The following COL5A1 variants were observed in gnomAD, a reference collection of about 807,000 sequenced individuals.
COL5A1 encodes collagen alpha-1(V) chain.
COL5A1 carries 16 observed loss-of-function variants against 263.7 expected under a neutral mutation model. The observed-to-expected ratio is 0.06, with a 90% CI of 0.04 to 0.09. The LOEUF is 0.09. Ranked by LOEUF, COL5A1 falls within the 10% of genes least tolerant of loss-of-function variation. The pLI is 1.00. For missense variants in COL5A1, 2,036 were observed against 2,540.5 expected (o/e 0.80, Z 4.27); for synonymous variants, 1,012 against 1,004.5 (o/e 1.01, Z -0.14).
chr9:134,825,455 A>G (rs2132886570), intron 62 of COL5A1, among the ~76,000 whole-genome samples: 1 of 152,216 alleles, frequency 6.6e-6, no homozygotes, highest in South Asian at 2.1e-4. Flanking sequence ...CTCTGATCCT[A>G]CATGCATGAA....
rs1564438514 is a variant in COL5A1, at chr9:134,759,695, TATGC to T, written c.1935+1401_1935+1404del. 8.1e-3 allele frequency among the ~76,000 whole-genome samples: 158 copies of T among 19,612 alleles called. 1 individual carries two copies. Among genetic ancestry groups the T allele is most frequent in the African/African-American group, 0.022 (78 of 3,474 alleles). 12.9% of individuals were successfully genotyped at this position (19,612 alleles called of 152,430 possible). On this transcript the variant is annotated intron_variant, in intron 18 of 65. Coordinates refer to ENST00000371817, the MANE Select transcript of COL5A1 (RefSeq NM_000093.5). The stretch of plus-strand genomic sequence containing the variant: ...CCCCACACCCCCACACTCATACACA[TATGC>T]ACACATGCACACACCCCCCCACCCC...
rs912691557 is a variant in COL5A1 at position 134,789,426 on chromosome 9, CAGGA to C, written c.2700+225_2700+228del. 2.6e-5 allele frequency among the ~76,000 whole-genome samples: 4 copies of C among 152,172 alleles called. No individual in the cohort carries two copies. The highest frequency in any genetic ancestry group is 9.7e-5 in the African/African-American group (4 of 41,438). ...GGTATGTGATAGGAAGGGGCAGAGG[CAGGA>C]AGGAAGTGTGCTGAGAAAATGGAGC... On this transcript the variant is annotated intron_variant, in intron 32 of 65. Transcript: ENST00000371817. This position sits in a 1 kb window ranked among gnomAD's most constrained non-coding sequence, Gnocchi z 4.8.
At chr9:134,779,836 G>A (rs953059395) in intron 27 of COL5A1, among the ~76,000 whole-genome samples, 6 of 152,232 alleles carry the variant, frequency 3.9e-5, no homozygotes, top group East Asian at 1.9e-4. Context: ...TTGGAAGGGC[G>A]GGTCCAGAGC....
At position 134,810,236 on chromosome 9, in the gene COL5A1, C is replaced by T; in HGVS notation, c.3475-19C>T. The stretch of plus-strand genomic sequence containing the variant: ...CGGTTGTCAAGCTTTCTAACCGAAT[C>T]CCCCACACCTTCCCCTAGGGAGAGA... On this transcript the variant is annotated intron_variant, in intron 43 of 65. Coordinates refer to ENST00000371817, the MANE Select transcript of COL5A1 (RefSeq NM_000093.5). 1.9e-6 allele frequency: 3 copies of T among 1,613,846 alleles called. No individual in the cohort carries two copies. Among genetic ancestry groups the T allele is most frequent in the Non-Finnish European group, 1.7e-6 (2 of 1,179,706 alleles).
At chr9:134,756,563 T>C (rs1301211395) in intron 16 of COL5A1, among the ~76,000 whole-genome samples, 2 of 152,146 alleles carry the variant, frequency 1.3e-5, no homozygotes, top group Non-Finnish European at 2.9e-5. Context: ...GTGTGTTCCA[T>C]CCGTTGGTGT....
intron 39 of COL5A1, among the ~76,000 whole-genome samples, chr9:134,804,617 G>A (rs1054098697): frequency 1.3e-5 from 2 of 152,236 alleles, no homozygotes; most frequent in African/African-American, 2.4e-5. Context: ...AGATTTGCAC[G>A]CAGAGCCCGC....
chr9:134,744,851 GCA>G lies in COL5A1; in HGVS notation c.1495-5684_1495-5683del, dbSNP rs1301768459. ...TGCATGCACACTCATCCATACACAT[GCA>G]CACACATTTACACACATGCACTCAC... On this transcript the variant is annotated intron_variant, in intron 11 of 65. Coordinates refer to ENST00000371817, the MANE Select transcript of COL5A1 (RefSeq NM_000093.5). Among the ~76,000 whole-genome samples, 5 of 146,352 alleles carry G rather than the reference GCA, an allele frequency of 3.4e-5. No individual in the cohort carries two copies. The South Asian group carries it at 8.9e-4, about 26-fold the overall frequency.
At position 134,802,292 on chromosome 9, in the gene COL5A1, C is replaced by T. The variant is rs187698321; in HGVS notation, c.3006+285C>T. On this transcript the variant is annotated intron_variant, in intron 38 of 65. Transcript: ENST00000371817. Reference sequence around the variant, plus strand: ...CCTGGGCCAGCTCAGGAGCTGGGCTCATCCCTGCTGTGGGTGTCCAAGGCA... The same window carrying T: ...CCTGGGCCAGCTCAGGAGCTGGGCTTATCCCTGCTGTGGGTGTCCAAGGCA... Among the ~76,000 whole-genome samples, 4 of 152,318 alleles carry T rather than the reference C, an allele frequency of 2.6e-5. No individual in the cohort carries two copies. In the East Asian group the frequency reaches 5.8e-4, roughly 22 times the overall value.
intron 1 of COL5A1, among the ~76,000 whole-genome samples, chr9:134,668,127 C>T (rs1216660235): frequency 6.6e-6 from 1 of 152,204 alleles, no homozygotes; most frequent in African/African-American, 2.4e-5. Context: ...CTGTGTCCTG[C>T]TGGGATTGGA....
rs192922975 is a variant in COL5A1 at position 134,765,361 on chromosome 9, G to T, written c.2035-320G>T. Among the ~76,000 whole-genome samples the T allele has an allele frequency of 6.6e-6, 1 of 152,032 alleles. No individual in the cohort carries two copies. The highest frequency in any genetic ancestry group is 2.4e-5 in the African/African-American group (1 of 41,404). On this transcript the variant is annotated intron_variant, in intron 20 of 65. Transcript: ENST00000371817. This position sits in a 1 kb window ranked among gnomAD's most constrained non-coding sequence, Gnocchi z 5.1. ...TAGCGTGGTGATTCTCTGGGGGAGCGTCTGCTCACCTGCCCCAGCAAGTGT... is the reference window on the plus strand; with the variant it reads ...TAGCGTGGTGATTCTCTGGGGGAGCTTCTGCTCACCTGCCCCAGCAAGTGT...
intron 1 of COL5A1, among the ~76,000 whole-genome samples, chr9:134,645,426 C>CG (rs1831445335): frequency 6.6e-6 from 1 of 152,236 alleles, no homozygotes; most frequent in Non-Finnish European, 1.5e-5. Context: ...TGAGCTGCCC[C>CG]GCTGGAGGGC....
rs200957149 is a variant in COL5A1 at position 134,760,275 on chromosome 9, GCA to G, written c.1936-1644_1936-1643del. The stretch of plus-strand genomic sequence containing the variant: ...ACACACCCCACACTGATACACACAT[GCA>G]CACACGCACACACCCCCACACCCCC... On this transcript the variant is annotated intron_variant, in intron 18 of 65. Transcript: ENST00000371817. 3.6e-3 allele frequency among the ~76,000 whole-genome samples: 284 copies of G among 79,682 alleles called. 7 individuals are homozygous for G. Among genetic ancestry groups the G allele is most frequent in the African/African-American group, 0.015 (273 of 17,992 alleles). The allele number at this position is 79,682 out of a possible 152,430, so 52.3% of individuals were successfully genotyped here.
intron 1 of COL5A1, among the ~76,000 whole-genome samples, chr9:134,654,375 G>GA (rs1831831490): frequency 1.5e-5 from 2 of 132,356 alleles, no homozygotes; most frequent in African/African-American, 2.9e-5. Context: ...GTAGGGCTGG[G>GA]GTGTATAGTG....
intron 1 of COL5A1, among the ~76,000 whole-genome samples, chr9:134,661,479 G>T (rs1048026708): frequency 2.6e-5 from 4 of 151,730 alleles, no homozygotes; most frequent in African/African-American, 9.7e-5. Context: ...GCTTTCTGTC[G>T]GTGACTTTCA....
chr9:134,650,118 G>A (rs1285775245), intron 1 of COL5A1, among the ~76,000 whole-genome samples: 1 of 152,084 alleles, frequency 6.6e-6, no homozygotes, highest in Non-Finnish European at 1.5e-5. Context: ...AAACCACCAT[G>A]GCATGTGTAT....
intron 1 of COL5A1, among the ~76,000 whole-genome samples, chr9:134,668,466 G>T (rs1316373284): frequency 7.5e-6 from 1 of 133,880 alleles, no homozygotes; most frequent in Non-Finnish European, 1.6e-5. Flanking sequence ...ACCAGGTAGG[G>T]TAGCAGGAGA....
In COL5A1 at chr9:134,703,286, G is replaced by T. The variant is rs773055646; in HGVS notation, c.654+1953G>T. 6.6e-5 allele frequency among the ~76,000 whole-genome samples: 10 copies of T among 152,304 alleles called. No homozygotes were observed. The Middle Eastern group carries it at 0.01, about 155-fold the overall frequency. Reference sequence around the variant, plus strand: ...CACTTCTGAACAGACCTGCCTAGGCGCCTGGAAGGAACTGCGGGCACAGGA... The same window carrying T: ...CACTTCTGAACAGACCTGCCTAGGCTCCTGGAAGGAACTGCGGGCACAGGA... On this transcript the variant is annotated intron_variant, in intron 4 of 65. Coordinates refer to ENST00000371817, the MANE Select transcript of COL5A1 (RefSeq NM_000093.5).
intron 18 of COL5A1, among the ~76,000 whole-genome samples, chr9:134,760,478 C>G (rs1355761475): frequency 7.4e-4 from 93 of 126,378 alleles, no homozygotes; most frequent in East Asian, 2.0e-3. Flanking sequence ...CATTCATACA[C>G]ACATGCACAC....
chr9:134,815,531 C>T, intron 50 of COL5A1, 45 bp from the exon 51 acceptor site: 1 of 1,596,758 alleles, frequency 6.3e-7, no homozygotes, highest in South Asian at 1.1e-5. Flanking sequence ...TGGTCTCAGT[C>T]AGGTTGCTGA....
Sources: gnomAD v4.1 joint callset for allele counts (sites outside exome capture counted in the v4.1 genomes callset) on GRCh38, gnomAD v4.1.1 for gene constraint, Gnocchi (gnomAD v3.1) non-coding constraint, MANE v1.5 for transcripts, NCBI Gene and HGNC (gene_info 2026-07-23, HGNC 2026-07-21) for gene names.